Variants in EXTL3 observed in about 807,000 individuals in gnomAD.
EXTL3 encodes exostosin like glycosyltransferase 3.
In EXTL3, 27 loss-of-function variants were observed where a neutral mutation model predicts 69.3. The ratio of observed to expected loss-of-function variants is 0.39; its 90% confidence interval spans 0.29 to 0.54. The LOEUF (loss-of-function observed/expected upper bound fraction) is 0.54, where lower values mean the gene tolerates loss of function less well. EXTL3 is among the 20% of genes least tolerant of loss of function. The probability of loss-of-function intolerance (pLI) is 0.69; values close to 1 mark genes in which losing one functional copy is unlikely to be tolerated. For synonymous variants in EXTL3, 511 were observed against 499.4 expected (o/e 1.02, Z -0.31); for missense variants, 1,003 against 1,231.8 (o/e 0.81, Z 2.78).
intron 4 of EXTL3, 91 bp downstream of exon 4, chr8:28,731,441 C>A: frequency 7.4e-7 from 1 of 1,359,412 alleles, no homozygotes; most frequent in Non-Finnish European, 1.0e-6. Flanking sequence ...CTGATGGTAA[C>A]TGAGAACCCC....
At chr8:28,723,410 C>T (rs970199039) in intron 3 of EXTL3, among the ~76,000 whole-genome samples, 31 of 152,008 alleles carry the variant, frequency 2.0e-4, no homozygotes, top group Admixed American at 1.4e-3. Context: ...AAGGCTACCC[C>T]GAACCAAAAA....
At chr8:28,729,983 A>G (rs886384140) in intron 3 of EXTL3, among the ~76,000 whole-genome samples, 6 of 152,096 alleles carry the variant, frequency 3.9e-5, no homozygotes, top group African/African-American at 1.4e-4. Context: ...CTCTGAATTA[A>G]TTGGATTTTA....
At chr8:28,699,184 T>A (rs997634045), upstream of EXTL3, among the ~76,000 whole-genome samples, 1 of 151,824 alleles carries the variant, frequency 6.6e-6, no homozygotes, top group South Asian at 2.1e-4. Context: ...TTCCAAAAAA[T>A]AAATAAAAAT....
At chr8:28,710,609 CT>C (rs1412997859) in intron 1 of EXTL3, 26 of 272,124 alleles carry the variant, frequency 9.6e-5, no homozygotes, top group Non-Finnish European at 1.6e-4. Flanking sequence ...AGTTTTCTTT[CT>C]TTCTTTTTTT....
chr8:28,650,504 C>T (rs998777407), intron 1 of EXTL3, among the ~76,000 whole-genome samples: 5 of 151,752 alleles, frequency 3.3e-5, no homozygotes, highest in South Asian at 2.1e-4. Context: ...ATTACAGGTA[C>T]GCGCCACCAT....
At chr8:28,674,285 C>G (rs1402369581) in intron 1 of EXTL3, among the ~76,000 whole-genome samples, 1 of 152,074 alleles carries the variant, frequency 6.6e-6, no homozygotes, top group African/African-American at 2.4e-5. Context: ...GTGGCCCAGG[C>G]TGTTCTCAAA....
chr8:28,669,272 C>G (rs569445883), intron 1 of EXTL3, among the ~76,000 whole-genome samples: 38 of 152,312 alleles, frequency 2.5e-4, no homozygotes, highest in African/African-American at 8.4e-4. Flanking sequence ...AATGTCCTAA[C>G]TTTATTCCGA....
intron 3 of EXTL3, among the ~76,000 whole-genome samples, chr8:28,721,444 G>C (rs1032176799): frequency 2.0e-5 from 3 of 152,188 alleles, no homozygotes; most frequent in African/African-American, 7.2e-5. Flanking sequence ...CATGGGTTTT[G>C]TATGAGAGTT....
intron 1 of EXTL3, among the ~76,000 whole-genome samples, chr8:28,712,357 TGA>T (rs1404896652): frequency 1.3e-5 from 2 of 152,126 alleles, no homozygotes; most frequent in African/African-American, 4.8e-5. Context: ...TTGAAAATAT[TGA>T]GAGGGGAGGC....
rs529031233 is a variant in EXTL3 at position 28,713,655 on chromosome 8, A to G, written c.-476+105A>G. On this transcript the variant is annotated intron_variant, in intron 2 of 6. Transcript: ENST00000220562. ...CAATTTGGTCATAAGTGCAAAGAAG[A>G]TTCTTTTGAAAGCAAGAGATTTAAA... The G allele has an allele frequency of 7.9e-5, 51 of 644,310 alleles. No homozygotes were observed. The African/African-American group carries it at 8.8e-4, about 11-fold the overall frequency. 39.9% of individuals were successfully genotyped at this position (644,310 alleles called of 1,614,324 possible). A position where few individuals can be genotyped will look rare whatever the true frequency, so the allele number is the denominator to read the frequency against.
In EXTL3 at chr8:28,715,879, A is replaced by G. The variant is rs1367154189; in HGVS notation, c.-181A>G. 6 of 607,538 alleles carry G rather than the reference A, an allele frequency of 9.9e-6. No homozygotes were observed. Among genetic ancestry groups the G allele is most frequent in the Non-Finnish European group, 1.7e-5 (6 of 343,900 alleles). The allele number at this position is 607,538 out of a possible 1,614,324, so 37.6% of individuals were successfully genotyped here. On this transcript the variant is annotated 5_prime_UTR_variant, in exon 3 of 7. Transcript: ENST00000220562. ...ACTTAAAATCTGCTGGAATAGGGTC[A>G]GAGACCATTTCAGCTGCAGCTGAGG...
At chr8:28,715,447 A>G (rs1443490024) in intron 2 of EXTL3, 138 bp from the exon 3 acceptor site, 1 of 153,226 alleles carries the variant, frequency 6.5e-6, no homozygotes, top group Non-Finnish European at 1.5e-5. Flanking sequence ...CTGCATTGTC[A>G]TTATAATGTT....
chr8:28,704,949 C>T (rs753773781), intron 1 of EXTL3, among the ~76,000 whole-genome samples: 3 of 152,248 alleles, frequency 2.0e-5, no homozygotes, highest in African/African-American at 4.8e-5. Flanking sequence ...CCGCCGCATC[C>T]GGCTTCCTTT....
chr8:28,675,778 T>A (rs1168801592), intron 1 of EXTL3, among the ~76,000 whole-genome samples: 2 of 152,098 alleles, frequency 1.3e-5, no homozygotes, highest in African/African-American at 4.8e-5. Context: ...TCCCAGCACT[T>A]TGGGAGGCCA....
At chr8:28,700,493 GA>G (rs1172984856), upstream of EXTL3, 1 of 152,084 alleles carries the variant, frequency 6.6e-6, no homozygotes, top group African/African-American at 2.4e-5. Flanking sequence ...AGGGCGAGTG[GA>G]TAAGGTCGGC....
At chr8:28,636,396 A>G (rs1356962941) in intron 1 of EXTL3, among the ~76,000 whole-genome samples, 1 of 151,766 alleles carries the variant, frequency 6.6e-6, no homozygotes, top group African/African-American at 2.4e-5. Context: ...CAGATATCTC[A>G]CATGAGCTCT....
chr8:28,717,366 C>G lies in EXTL3; in HGVS notation c.1307C>G (p.Pro436Arg). Residue 436 changes from proline (P) to arginine (R), a missense_variant, in exon 3 of 7, where the codon CCC becomes CGC. Physicochemically the swap from Pro to Arg is moderately radical, Grantham distance 103. Coordinates refer to ENST00000220562, the MANE Select transcript of EXTL3 (RefSeq NM_001440.4). This position sits in a 1 kb window ranked among gnomAD's most constrained non-coding sequence, Gnocchi z 8.3. ...TCCACCTTCGCCCTCATCATTACCC[C>G]CGGGGACCCTCGCTTGGTTATTTCC... Reference protein sequence around the residue: ...KLSTFALIITPGDPRLVISSG... With the variant: ...KLSTFALIITRGDPRLVISSG... The G allele has an allele frequency of 6.2e-7, 1 of 1,614,208 alleles. No homozygotes were observed.
chr8:28,645,881 G>A (rs532388318), intron 1 of EXTL3, among the ~76,000 whole-genome samples: 9 of 150,324 alleles, frequency 6.0e-5, no homozygotes, highest in South Asian at 4.2e-4. Flanking sequence ...TTGATTGATC[G>A]AGACAGGGTC....
intron 1 of EXTL3, among the ~76,000 whole-genome samples, chr8:28,624,842 A>G (rs1806467901): frequency 6.6e-6 from 1 of 152,342 alleles, no homozygotes; most frequent in African/African-American, 2.4e-5. Context: ...CAAACCCTCA[A>G]GTGATTCCTA....
Sources: gnomAD v4.1 joint callset for allele counts (sites outside exome capture counted in the v4.1 genomes callset) on GRCh38, gnomAD v4.1.1 for gene constraint, Gnocchi (gnomAD v3.1) non-coding constraint, MANE v1.5 for transcripts, NCBI Gene and HGNC (gene_info 2026-07-23, HGNC 2026-07-21) for gene names.